DOCK3: variants seen among roughly 807,000 people sequenced by gnomAD.
DOCK3 encodes the protein dedicator of cytokinesis 3.
DOCK3 carries 60 observed loss-of-function variants against 265.6 expected under a neutral mutation model. The ratio of observed to expected loss-of-function variants is 0.23; its 90% CI spans 0.18 to 0.28. The LOEUF (loss-of-function observed/expected upper bound fraction) is 0.28, where lower values mean the gene tolerates loss of function less well. Ranked by LOEUF, DOCK3 falls within the 10% of genes least tolerant of loss-of-function variation. The pLI is 1.00. For synonymous variants in DOCK3, 881 were observed against 938.0 expected (o/e 0.94, Z 1.11); for missense variants, 1,981 against 2,594.3 (o/e 0.76, Z 5.14).
chr3:51,235,090 T>G (rs2108460377), intron 19 of DOCK3, among the ~76,000 whole-genome samples: 1 of 152,324 alleles, frequency 6.6e-6, no homozygotes, highest in South Asian at 2.1e-4. Flanking sequence ...CTCCATTAAC[T>G]CAATAATACA....
At chr3:51,229,758 T>A (rs989607199) in intron 19 of DOCK3, 149 bp downstream of exon 19, 1 of 501,218 alleles carries the variant, frequency 2.0e-6, no homozygotes, top group Admixed American at 4.1e-5. Context: ...CCTTTTCCTC[T>A]TTTGGTATGC....
chr3:50,771,274 A>G (rs2041257422), intron 1 of DOCK3, among the ~76,000 whole-genome samples: 1 of 152,198 alleles, frequency 6.6e-6, no homozygotes, highest in African/African-American at 2.4e-5. Flanking sequence ...TAATCTGATC[A>G]AAAAATGGGC....
At chr3:51,041,345 G>C (rs932160207) in intron 5 of DOCK3, among the ~76,000 whole-genome samples, 3 of 146,384 alleles carry the variant, frequency 2.0e-5, no homozygotes, top group Non-Finnish European at 3.0e-5. Flanking sequence ...AGCCTCCCAA[G>C]TAGCTGGGAC....
At chr3:51,338,914 G>A in intron 36 of DOCK3, 21 bp from the exon 37 acceptor site, 1 of 1,574,686 alleles carries the variant, frequency 6.4e-7, no homozygotes, top group Non-Finnish European at 8.6e-7. Flanking sequence ...GTTGACAGGT[G>A]TTTCCTTCTC....
intron 3 of DOCK3, among the ~76,000 whole-genome samples, chr3:50,851,895 C>G (rs1421295450): frequency 6.6e-6 from 1 of 152,246 alleles, no homozygotes; most frequent in Admixed American, 6.5e-5. Flanking sequence ...GCTTTGTATG[C>G]ACCTGGATTA....
intron 2 of DOCK3, among the ~76,000 whole-genome samples, chr3:50,779,005 T>C (rs1247041204): frequency 6.6e-6 from 1 of 152,168 alleles, no homozygotes; most frequent in Non-Finnish European, 1.5e-5. Context: ...TTTACATATA[T>C]TTATGGGGTA....
intron 36 of DOCK3, 80 bp from the exon 37 acceptor site, chr3:51,338,855 C>A: frequency 8.0e-7 from 1 of 1,255,878 alleles, no homozygotes; most frequent in Non-Finnish European, 1.1e-6. Context: ...CCCAGCACAC[C>A]CACGGCTATG....
intron 5 of DOCK3, among the ~76,000 whole-genome samples, chr3:51,038,023 C>G (rs2109003620): frequency 6.6e-6 from 1 of 152,196 alleles, no homozygotes; most frequent in South Asian, 2.1e-4. Flanking sequence ...AGGGTATGTG[C>G]CTATTTAATT....
chr3:51,313,449 C>T (rs2083205675), intron 31 of DOCK3, among the ~76,000 whole-genome samples: 1 of 152,224 alleles, frequency 6.6e-6, no homozygotes, highest in South Asian at 2.1e-4. Context: ...CCCTTCTTTG[C>T]ACAGCTTCTG....
intron 12 of DOCK3, among the ~76,000 whole-genome samples, chr3:51,205,861 T>C (rs1478003540): frequency 6.6e-6 from 1 of 152,240 alleles, no homozygotes; most frequent in African/African-American, 2.4e-5. Flanking sequence ...GCTAAATGTT[T>C]TTTATAGCCA....
intron 2 of DOCK3, among the ~76,000 whole-genome samples, chr3:50,840,787 T>G (rs1235576281): frequency 6.6e-6 from 1 of 152,222 alleles, no homozygotes; most frequent in African/African-American, 2.4e-5. Context: ...ATAAAATGAG[T>G]TAATGAAATT....
At chr3:51,010,935 T>C (rs967141506) in intron 5 of DOCK3, among the ~76,000 whole-genome samples, 6 of 152,188 alleles carry the variant, frequency 3.9e-5, no homozygotes, top group Non-Finnish European at 5.9e-5. Flanking sequence ...TTTAAGAATG[T>C]TGAATGTTGG....
At chr3:51,165,003 A>G (rs1166554616) in intron 12 of DOCK3, among the ~76,000 whole-genome samples, 1 of 146,826 alleles carries the variant, frequency 6.8e-6, no homozygotes, top group African/African-American at 2.5e-5. Context: ...CAGTGGCGCA[A>G]TCTCACCTCA....
chr3:50,889,460 GT>G (rs566025782), intron 3 of DOCK3, among the ~76,000 whole-genome samples: 329 of 139,746 alleles, frequency 2.4e-3, no homozygotes, highest in East Asian at 3.1e-3. Flanking sequence ...AACTGATGTG[GT>G]TTTTTTTTTT....
At chr3:50,752,211 A>G (rs1029238742) in intron 1 of DOCK3, among the ~76,000 whole-genome samples, 1 of 152,174 alleles carries the variant, frequency 6.6e-6, no homozygotes, top group Non-Finnish European at 1.5e-5. Flanking sequence ...GTGAAGAGAT[A>G]AACTACTTAG....
At chr3:50,719,191 T>C (rs1425004836) in intron 1 of DOCK3, among the ~76,000 whole-genome samples, 1 of 152,170 alleles carries the variant, frequency 6.6e-6, no homozygotes, top group African/African-American at 2.4e-5. Context: ...GTAAGTTTTT[T>C]AGATCTTTTG....
At chr3:51,236,745 A>C (rs999824712) in intron 20 of DOCK3, among the ~76,000 whole-genome samples, 2 of 152,214 alleles carry the variant, frequency 1.3e-5, no homozygotes, top group Non-Finnish European at 1.5e-5. Context: ...ACAAGAAATC[A>C]GATGGCTCAT....
Position 51,120,359 on chromosome 3 carries a change from CA to C in DOCK3, c.747-26189del, listed in dbSNP as rs553871604. On this transcript the variant is annotated intron_variant, in intron 9 of 52. Coordinates refer to ENST00000266037, the MANE Select transcript of DOCK3 (RefSeq NM_004947.5). Reference sequence around the variant, plus strand: ...GAAAGCTTTGTCCTAGAGGGGCACCCATTGGGTGCCAGCCAGAGCTCTGCTG... The same window carrying C: ...GAAAGCTTTGTCCTAGAGGGGCACCCTTGGGTGCCAGCCAGAGCTCTGCTG... Among the ~76,000 whole-genome samples, 195 of 152,222 alleles carry C rather than the reference CA, an allele frequency of 1.3e-3. 5 individuals are homozygous for C. In the South Asian group the frequency reaches 0.04, roughly 31 times the overall value.
At chr3:51,165,986 T>C (rs972499817) in intron 12 of DOCK3, among the ~76,000 whole-genome samples, 3 of 149,690 alleles carry the variant, frequency 2.0e-5, no homozygotes, top group Non-Finnish European at 4.4e-5. Flanking sequence ...ATTGTAATTA[T>C]ATATTCTTTA....
Sources: allele counts gnomAD v4.1 joint callset (sites outside exome capture counted in the v4.1 genomes callset), GRCh38; gene constraint gnomAD v4.1.1; transcripts MANE v1.5; gene names NCBI Gene and HGNC (gene_info 2026-07-23, HGNC 2026-07-21).